Variants in TPCN1 observed in about 807,000 individuals in gnomAD.
TPCN1 encodes two pore channel protein 1.
TPCN1 carries 52 observed loss-of-function variants against 108.8 expected under a neutral mutation model. The ratio of observed to expected loss-of-function variants is 0.48; its 90% CI spans 0.38 to 0.60. The LOEUF (loss-of-function observed/expected upper bound fraction) is 0.60, where lower values mean the gene tolerates loss of function less well. Among genes scored for constraint, TPCN1 ranks in the 20% least tolerant of loss-of-function variants. The pLI is 0.00. For synonymous variants in TPCN1, 446 were observed against 433.7 expected (o/e 1.03, Z -0.35); for missense variants, 806 against 1,072.8 (o/e 0.75, Z 3.47).
At position 113,269,496 on chromosome 12, in the gene TPCN1, C is replaced by T. The variant is rs1955408015; in HGVS notation, c.660-261C>T. 6.6e-6 allele frequency among the ~76,000 whole-genome samples: 1 copy of T among 152,160 alleles called. No homozygotes were observed. The highest frequency in any genetic ancestry group is 1.5e-5 in the Non-Finnish European group (1 of 68,032). ...CCCTTGGCCTTCTGCTGCTCTGTTC[C>T]CTGCTTGCATGGCACTCACCTCCTT... On this transcript the variant is annotated intron_variant, in intron 6 of 27. Transcript: ENST00000335509. The surrounding 1 kb of genome is among the most constrained non-coding windows in gnomAD (Gnocchi z 5.0).
At chr12:113,256,336 G>A (rs1163356778) in intron 2 of TPCN1, among the ~76,000 whole-genome samples, 2 of 151,048 alleles carry the variant, frequency 1.3e-5, no homozygotes, top group East Asian at 1.9e-4. Flanking sequence ...TCCCCAGGCT[G>A]GGTATGCATG....
chr12:113,260,577 T>A, intron 3 of TPCN1, 85 bp downstream of exon 3: 1 of 1,488,780 alleles, frequency 6.7e-7, no homozygotes, highest in Non-Finnish European at 8.9e-7. Flanking sequence ...TGCCCAGAAA[T>A]TCAGTTCCAG....
rs377471796 is a variant in TPCN1 at position 113,295,255 on chromosome 12, C to T, written c.2335-705C>T. On this transcript the variant is annotated intron_variant, in intron 27 of 27. Coordinates refer to ENST00000335509, the MANE Select transcript of TPCN1 (RefSeq NM_017901.6). Reference sequence around the variant, plus strand: ...CAAGGGGGCCAGAACTAGGCCATCTCGAAGCTCTAAAAGTCTATGGTTCAG... The same window carrying T: ...CAAGGGGGCCAGAACTAGGCCATCTTGAAGCTCTAAAAGTCTATGGTTCAG... Among the ~76,000 whole-genome samples, 49 of 152,112 alleles carry T rather than the reference C, an allele frequency of 3.2e-4. No individual in the cohort carries two copies. The South Asian group carries it at 7.1e-3, about 22-fold the overall frequency.
Position 113,284,840 on chromosome 12 carries a change from T to C in TPCN1, c.1453+69T>C. On this transcript the variant is annotated intron_variant, in intron 17 of 27. Coordinates refer to ENST00000335509, the MANE Select transcript of TPCN1 (RefSeq NM_017901.6). This position sits in a 1 kb window ranked among gnomAD's most constrained non-coding sequence, Gnocchi z 4.1. Reference sequence around the variant, plus strand: ...TGTCTGGGAGAACTTTCATTCAGTGTAGAACCTCATGGTTCTTCTCTAAAA... The same window carrying C: ...TGTCTGGGAGAACTTTCATTCAGTGCAGAACCTCATGGTTCTTCTCTAAAA... 6.6e-7 allele frequency: 1 copy of C among 1,514,556 alleles called. No individual in the cohort carries two copies. Among genetic ancestry groups the C allele is most frequent in the South Asian group, 1.1e-5 (1 of 88,936 alleles). The allele number at this position is 1,514,556 out of a possible 1,614,324, so 93.8% of individuals were successfully genotyped here. A position where few individuals can be genotyped will look rare whatever the true frequency, so the allele number is the denominator to read the frequency against.
At position 113,270,591 on chromosome 12, in the gene TPCN1, C is replaced by T. The variant is rs536788678; in HGVS notation, c.748+746C>T. Among the ~76,000 whole-genome samples, 4 of 152,218 alleles carry T rather than the reference C, an allele frequency of 2.6e-5. No individual in the cohort carries two copies. In the South Asian group the frequency reaches 6.2e-4, roughly 24 times the overall value. On this transcript the variant is annotated intron_variant, in intron 7 of 27. Coordinates refer to ENST00000335509, the MANE Select transcript of TPCN1 (RefSeq NM_017901.6). ...TGCCTCCCAGGTTCAAGTGATTCTC[C>T]TGCCTCAGCCTCCCGAGTAGCTGGG...
At position 113,284,190 on chromosome 12, in the gene TPCN1, A is replaced by T. The variant is rs1955985286; in HGVS notation, c.1343-391A>T. The stretch of plus-strand genomic sequence containing the variant: ...TTGCTAGGCGAATGGCTTAATGCAT[A>T]TGCAGTTTTTCTAAAGAGTTCATGC... On this transcript the variant is annotated intron_variant, in intron 15 of 27. Coordinates refer to ENST00000335509, the MANE Select transcript of TPCN1 (RefSeq NM_017901.6). The surrounding 1 kb of genome is among the most constrained non-coding windows in gnomAD (Gnocchi z 4.1). Among the ~76,000 whole-genome samples, 1 of 152,234 alleles carries T rather than the reference A, an allele frequency of 6.6e-6. No homozygotes were observed. The highest frequency in any genetic ancestry group is 6.5e-5 in the Admixed American group (1 of 15,284).
chr12:113,275,959 T>C (rs1955660528), intron 10 of TPCN1, among the ~76,000 whole-genome samples: 1 of 152,216 alleles, frequency 6.6e-6, no homozygotes, highest in Non-Finnish European at 1.5e-5. Flanking sequence ...ATAATATATT[T>C]AGAGCTGTGA....
chr12:113,226,447 A>T (rs182742976), intron 1 of TPCN1, among the ~76,000 whole-genome samples: 52 of 151,914 alleles, frequency 3.4e-4, no homozygotes, highest in Non-Finnish European at 5.9e-4. Flanking sequence ...AGCCCAGCTA[A>T]TTTTCTGTAT....
rs549467182 is a variant in TPCN1, at chr12:113,275,880, T to G, written c.943-1039T>G. On this transcript the variant is annotated intron_variant, in intron 10 of 27. Transcript: ENST00000335509. ...CCACCGTGCCCGGCCTGAGAAAATA[T>G]TTTCTTGTTTTAATTCCTCAAAACC... Among the ~76,000 whole-genome samples the G allele has an allele frequency of 9.9e-5, 15 of 152,272 alleles. 1 individual carries two copies. The East Asian group carries it at 2.9e-3, about 29-fold the overall frequency.
At position 113,250,215 on chromosome 12, in the gene TPCN1, G is replaced by A. The variant is rs540876694; in HGVS notation, c.113-10153G>A. On this transcript the variant is annotated intron_variant, in intron 2 of 27. Transcript: ENST00000335509. ...GAAGTGTTTGTGGAAGGCTTTTGGC[G>A]CCAGCAGGATCTAGGCAGCTGGGCC... Among the ~76,000 whole-genome samples, 11 of 152,324 alleles carry A rather than the reference G, an allele frequency of 7.2e-5. 1 individual carries two copies. The South Asian group carries it at 1.9e-3, about 26-fold the overall frequency.
intron 2 of TPCN1, among the ~76,000 whole-genome samples, chr12:113,257,760 CT>C (rs1011280902): frequency 1.2e-4 from 18 of 152,178 alleles, no homozygotes; most frequent in African/African-American, 4.1e-4. Context: ...ACAATCTTAG[CT>C]GTTCATCAAC....
chr12:113,285,653 G>T (rs1956050021), intron 17 of TPCN1, among the ~76,000 whole-genome samples: 1 of 152,244 alleles, frequency 6.6e-6, no homozygotes, highest in Non-Finnish European at 1.5e-5. Context: ...TGGGATGATA[G>T]GTGTGAACCC....
intron 2 of TPCN1, among the ~76,000 whole-genome samples, chr12:113,255,538 T>A (rs1285814391): frequency 6.6e-6 from 1 of 152,028 alleles, no homozygotes; most frequent in African/African-American, 2.4e-5. Flanking sequence ...TTAATTTTTT[T>A]TTTTTGAGAC....
intron 2 of TPCN1, among the ~76,000 whole-genome samples, chr12:113,239,571 A>T (rs1466283566): frequency 6.6e-6 from 1 of 152,258 alleles, no homozygotes; most frequent in East Asian, 1.9e-4. Flanking sequence ...CCAGGGTCCC[A>T]GGTGACTGTC....
At chr12:113,227,346 C>T (rs1953510320) in intron 2 of TPCN1, among the ~76,000 whole-genome samples, 1 of 152,200 alleles carries the variant, frequency 6.6e-6, no homozygotes, top group African/African-American at 2.4e-5. Flanking sequence ...CTCCGTCTGT[C>T]CCCATCTGAA....
At chr12:113,254,218 C>A (rs1390290759) in intron 2 of TPCN1, among the ~76,000 whole-genome samples, 4 of 152,140 alleles carry the variant, frequency 2.6e-5, no homozygotes, top group Non-Finnish European at 5.9e-5. Context: ...AACTTCAGGC[C>A]CAGATAGCTT....
At chr12:113,292,805 C>A in intron 25 of TPCN1, 129 bp from the exon 26 acceptor site, 1 of 1,057,838 alleles carries the variant, frequency 9.5e-7, no homozygotes. Flanking sequence ...GAGCAGGACA[C>A]CAATGCAGTG....
At chr12:113,223,324 A>T (rs1160673581) in intron 1 of TPCN1, among the ~76,000 whole-genome samples, 1 of 152,116 alleles carries the variant, frequency 6.6e-6, no homozygotes, top group African/African-American at 2.4e-5. Context: ...CTCAGCTGCC[A>T]TTGACTAGGT....
At position 113,273,754 on chromosome 12, in the gene TPCN1, C is replaced by T; in HGVS notation, c.942+86C>T. The T allele has an allele frequency of 3.7e-6, 4 of 1,084,056 alleles. No homozygotes were observed. Among genetic ancestry groups the T allele is most frequent in the Non-Finnish European group, 5.7e-6 (4 of 703,402 alleles). 67.2% of individuals were successfully genotyped at this position (1,084,056 alleles called of 1,614,324 possible). A position where few individuals can be genotyped will look rare whatever the true frequency, so the allele number is the denominator to read the frequency against. ...CACTGTGGGAGTGGAGAAGTGGGGA[C>T]TGTCTTCTGCCTCTCAGGGCAGAAC... is the stretch of plus-strand genomic sequence containing the variant. On this transcript the variant is annotated intron_variant, in intron 10 of 27. Transcript: ENST00000335509. This position sits in a 1 kb window ranked among gnomAD's most constrained non-coding sequence, Gnocchi z 4.0.
Sources: allele counts gnomAD v4.1 joint callset (sites outside exome capture counted in the v4.1 genomes callset), GRCh38; gene constraint gnomAD v4.1.1; non-coding constraint Gnocchi (gnomAD v3.1); transcripts MANE v1.5; gene names NCBI Gene and HGNC (gene_info 2026-07-23, HGNC 2026-07-21).